SOX6: variants seen among roughly 807,000 people sequenced by gnomAD.
The protein encoded by SOX6 is transcription factor SOX-6.
Under a neutral mutation model 97.8 loss-of-function variants are expected in SOX6, and 11 were observed. The ratio of observed to expected loss-of-function variants is 0.11; its 90% CI spans 0.07 to 0.19. The LOEUF (loss-of-function observed/expected upper bound fraction) is 0.19, where lower values mean the gene tolerates loss of function less well. SOX6 is among the 10% of genes least tolerant of loss of function. SOX6 has a pLI of 1.00. For synonymous variants in SOX6, 360 were observed against 371.4 expected (o/e 0.97, Z 0.35); for missense variants, 810 against 1,039.5 (o/e 0.78, Z 3.04).
intron 4 of SOX6, among the ~76,000 whole-genome samples, chr11:16,500,171 A>C (rs1860678890): frequency 6.6e-6 from 1 of 152,210 alleles, no homozygotes; most frequent in Non-Finnish European, 1.5e-5. Context: ...CAAATCAATA[A>C]ACGGAATCCA....
chr11:16,503,186 G>A (rs1453014551), intron 4 of SOX6, among the ~76,000 whole-genome samples: 1 of 151,630 alleles, frequency 6.6e-6, no homozygotes, highest in Admixed American at 6.6e-5. Context: ...CATCACCACA[G>A]GACAAGCTCT....
chr11:16,589,753 A>G (rs1848129847), intron 4 of SOX6, among the ~76,000 whole-genome samples: 1 of 152,180 alleles, frequency 6.6e-6, no homozygotes, highest in Non-Finnish European at 1.5e-5. Flanking sequence ...TCAGATGTTA[A>G]GCAATATGAA....
intron 4 of SOX6, among the ~76,000 whole-genome samples, chr11:16,219,345 A>G (rs1277384796): frequency 6.6e-6 from 1 of 152,026 alleles, no homozygotes; most frequent in Non-Finnish European, 1.5e-5. Context: ...AAATCACCTA[A>G]ATTTTGGAAC....
chr11:16,709,168 T>A lies in SOX6; in HGVS notation n.429+5662A>T, dbSNP rs1357681386. Reference sequence around the variant, plus strand: ...ATCATTGGAGCGGATCTCTCATGAATGTCTTATTGCTGCCCTCATGATAGC... The same window carrying A: ...ATCATTGGAGCGGATCTCTCATGAAAGTCTTATTGCTGCCCTCATGATAGC... On this transcript the variant is annotated intron_variant and non_coding_transcript_variant, in intron 3 of 5. Coordinates refer to the SOX6 transcript ENST00000524520. Among the ~76,000 whole-genome samples, 4 of 152,152 alleles carry A rather than the reference T, an allele frequency of 2.6e-5. No homozygotes were observed. In the East Asian group the frequency reaches 7.7e-4, roughly 29 times the overall value.
At chr11:16,372,394 T>C (rs989874331) in intron 1 of SOX6, among the ~76,000 whole-genome samples, 8 of 151,988 alleles carry the variant, frequency 5.3e-5, no homozygotes, top group Non-Finnish European at 1.2e-4. Flanking sequence ...GTTAATGGCA[T>C]AGGAATAAAA....
chr11:16,166,106 C>T (rs1850881124), intron 6 of SOX6, among the ~76,000 whole-genome samples: 1 of 151,872 alleles, frequency 6.6e-6, no homozygotes, highest in African/African-American at 2.4e-5. Flanking sequence ...GTCCAATTTG[C>T]TCTTTCTAGG....
chr11:16,476,503 G>A (rs192981764), upstream of SOX6: 27 of 152,244 alleles, frequency 1.8e-4, no homozygotes, highest in African/African-American at 6.5e-4. Flanking sequence ...TCATGCAGTT[G>A]TCCCCATCTA....
intron 6 of SOX6, among the ~76,000 whole-genome samples, chr11:16,180,156 TTC>T (rs1565002348): frequency 6.6e-6 from 1 of 151,866 alleles, no homozygotes; most frequent in Non-Finnish European, 1.5e-5. Context: ...ATAAAATATT[TTC>T]TGTTTTGCCT....
intron 1 of SOX6, among the ~76,000 whole-genome samples, chr11:16,451,308 A>T (rs1859711735): frequency 6.6e-6 from 1 of 152,080 alleles, no homozygotes; most frequent in African/African-American, 2.4e-5. Context: ...TTATTCTCCC[A>T]TTTTTAATAT....
intron 13 of SOX6, among the ~76,000 whole-genome samples, chr11:16,001,068 T>C (rs561248715): frequency 6.6e-6 from 1 of 152,168 alleles, no homozygotes; most frequent in Non-Finnish European, 1.5e-5. Context: ...TTTCACCATG[T>C]TGGCTAGGCT....
chr11:16,402,686 C>T, intron 1 of SOX6: 1 of 1,611,058 alleles, frequency 6.2e-7, no homozygotes, highest in South Asian at 1.1e-5. Flanking sequence ...CTTCCTCCAC[C>T]CACTCCTGTT....
chr11:16,011,699 G>A (rs1175579643), intron 13 of SOX6, among the ~76,000 whole-genome samples: 2 of 151,968 alleles, frequency 1.3e-5, no homozygotes, highest in Non-Finnish European at 2.9e-5. Flanking sequence ...CTCATTTTCT[G>A]GGCTGGCTTA....
chr11:16,150,684 A>T (rs1202807120), intron 6 of SOX6, among the ~76,000 whole-genome samples: 1 of 152,086 alleles, frequency 6.6e-6, no homozygotes, highest in Non-Finnish European at 1.5e-5. Context: ...TCATTCACCC[A>T]CTTAGCTTAA....
intron 5 of SOX6, among the ~76,000 whole-genome samples, chr11:16,184,805 A>C (rs779366839): frequency 7.2e-5 from 11 of 152,132 alleles, no homozygotes; most frequent in Non-Finnish European, 1.2e-4. Flanking sequence ...TCAAAAGCTG[A>C]GCTGCTACAG....
At chr11:16,327,659 G>C (rs1037605715) in intron 2 of SOX6, among the ~76,000 whole-genome samples, 1 of 151,992 alleles carries the variant, frequency 6.6e-6, no homozygotes, top group African/African-American at 2.4e-5. Context: ...CTGGATTGCC[G>C]ACCATACCTA....
At chr11:16,087,605 T>G (rs1848605217) in intron 9 of SOX6, among the ~76,000 whole-genome samples, 2 of 152,186 alleles carry the variant, frequency 1.3e-5, no homozygotes, top group African/African-American at 4.8e-5. Flanking sequence ...GTTTTAGTCT[T>G]AAATATCAAA....
intron 4 of SOX6, among the ~76,000 whole-genome samples, chr11:16,484,947 C>G (rs1860403945): frequency 6.6e-6 from 1 of 152,114 alleles, no homozygotes; most frequent in Non-Finnish European, 1.5e-5. Flanking sequence ...TTGAGTGGAC[C>G]AGGAGTTTAC....
chr11:16,736,755 C>G (rs1414332808), intron 1 of SOX6, among the ~76,000 whole-genome samples: 2 of 152,098 alleles, frequency 1.3e-5, no homozygotes, highest in African/African-American at 4.8e-5. Context: ...CTAATAGAAC[C>G]TAAGTAGAAT....
At chr11:16,028,314 C>T (rs533808134) in intron 12 of SOX6, among the ~76,000 whole-genome samples, 1 of 152,122 alleles carries the variant, frequency 6.6e-6, no homozygotes. Context: ...AAAGGCTGCA[C>T]AACTTGTTTG....
Sources: allele counts gnomAD v4.1 joint callset (sites outside exome capture counted in the v4.1 genomes callset), GRCh38; gene constraint gnomAD v4.1.1; transcripts MANE v1.5; gene names NCBI Gene and HGNC (gene_info 2026-07-23, HGNC 2026-07-21).